Variants in LARGE1 observed in about 807,000 individuals in gnomAD.
LARGE1 encodes xylosyl- and glucuronyltransferase LARGE1.
Under a neutral mutation model 87.6 loss-of-function variants are expected in LARGE1, and 43 were observed. The observed-to-expected ratio is 0.49, with a 90% CI of 0.38 to 0.63. LARGE1 has a LOEUF of 0.63. Ranked by LOEUF, LARGE1 falls within the 30% of genes least tolerant of loss-of-function variation. The pLI is 0.00. For missense variants in LARGE1, 802 were observed against 1,000.2 expected (o/e 0.80, Z 2.67); for synonymous variants, 434 against 394.6 (o/e 1.10, Z -1.18).
At chr22:33,725,907 T>C (rs2083257640) in intron 2 of LARGE1, among the ~76,000 whole-genome samples, 1 of 151,952 alleles carries the variant, frequency 6.6e-6, no homozygotes, top group Admixed American at 6.6e-5. Context: ...CGCGGAGACA[T>C]TTGGCAATGT....
At chr22:33,423,641 C>T (rs1369156951) in intron 7 of LARGE1, among the ~76,000 whole-genome samples, 2 of 149,564 alleles carry the variant, frequency 1.3e-5, no homozygotes, top group African/African-American at 2.5e-5. Context: ...GATTGCACCA[C>T]TGCCCTCCAG....
intron 11 of LARGE1, among the ~76,000 whole-genome samples, chr22:33,193,860 TTTTTATATATTATATATAATG>T (rs1185461326): frequency 1.3e-5 from 2 of 148,280 alleles, no homozygotes; most frequent in Non-Finnish European, 3.0e-5. Flanking sequence ...ATATATATTG[TTTTTATATATTATATATAATG>T]TTTTATATAT....
intron 1 of LARGE1, among the ~76,000 whole-genome samples, chr22:33,815,052 T>C (rs997611077): frequency 6.6e-6 from 1 of 152,120 alleles, no homozygotes; most frequent in African/African-American, 2.4e-5. Context: ...TAATTCCTAA[T>C]AAGAATAGCC....
chr22:33,770,055 A>G (rs2085017943), intron 1 of LARGE1, among the ~76,000 whole-genome samples: 1 of 152,266 alleles, frequency 6.6e-6, no homozygotes, highest in Non-Finnish European at 1.5e-5. Context: ...AGAAGCAATC[A>G]TAGAACATAA....
At chr22:33,093,180 T>C in the LARGE1 span, among the ~76,000 whole-genome samples, 1 of 152,186 alleles carries the variant, frequency 6.6e-6, no homozygotes, top group East Asian at 1.9e-4. Context: ...TTTCAGAACA[T>C]CATGGGCACA....
chr22:33,194,284 G>GT (rs768611416), intron 11 of LARGE1, among the ~76,000 whole-genome samples: 8 of 152,116 alleles, frequency 5.3e-5, no homozygotes, highest in Non-Finnish European at 1.2e-4. Context: ...TTTGAAAAGA[G>GT]TTCTAAACAA....
chr22:33,233,986 T>C (rs962963226), intron 11 of LARGE1, among the ~76,000 whole-genome samples: 1 of 152,220 alleles, frequency 6.6e-6, no homozygotes, highest in African/African-American at 2.4e-5. Context: ...CTGCCTCCCA[T>C]GGACCAAAAT....
chr22:33,211,663 C>T (rs1382119763), intron 11 of LARGE1, among the ~76,000 whole-genome samples: 2 of 152,146 alleles, frequency 1.3e-5, no homozygotes, highest in Non-Finnish European at 2.9e-5. Context: ...GTCCCAGCTA[C>T]TCGGGAGGCT....
intron 5 of LARGE1, among the ~76,000 whole-genome samples, chr22:33,602,960 C>T (rs1256344236): frequency 6.6e-6 from 1 of 152,198 alleles, no homozygotes; most frequent in Non-Finnish European, 1.5e-5. Context: ...GTTGCTTTTC[C>T]CCCATGGTGT....
At chr22:33,625,046 C>T (rs2079878708) in intron 4 of LARGE1, among the ~76,000 whole-genome samples, 1 of 152,182 alleles carries the variant, frequency 6.6e-6, no homozygotes, top group Non-Finnish European at 1.5e-5. Flanking sequence ...TTTGTTTATG[C>T]CATTGACAGA....
rs146896997 is a variant in LARGE1, at chr22:33,500,834, C to T, written c.787+64014G>A. Among the ~76,000 whole-genome samples the T allele has an allele frequency of 1.4e-3, 218 of 152,300 alleles. 3 individuals are homozygous for T. The highest frequency in any genetic ancestry group is 5.0e-3 in the African/African-American group (206 of 41,556). On this transcript the variant is annotated intron_variant, in intron 6 of 14. Coordinates refer to ENST00000397394, the MANE Select transcript of LARGE1 (RefSeq NM_133642.5). Reference sequence around the variant, plus strand: ...ACTTCAACAGTGGCTTTCACAGAAGCCCATCCAAACAAGTGGCTTAATGGA... The same window carrying T: ...ACTTCAACAGTGGCTTTCACAGAAGTCCATCCAAACAAGTGGCTTAATGGA...
chr22:33,830,441 T>A (rs1033915946), intron 1 of LARGE1, among the ~76,000 whole-genome samples: 2 of 152,112 alleles, frequency 1.3e-5, no homozygotes, highest in Non-Finnish European at 2.9e-5. Context: ...CAGGAGGAAA[T>A]GGTTCAAAGC....
At chr22:33,152,166 A>G in the LARGE1 span, among the ~76,000 whole-genome samples, 1 of 152,184 alleles carries the variant, frequency 6.6e-6, no homozygotes, top group Non-Finnish European at 1.5e-5. Flanking sequence ...AGGCCTCATA[A>G]TTTCCCTTTC....
At chr22:33,099,448 T>C in the LARGE1 span, among the ~76,000 whole-genome samples, 1 of 152,000 alleles carries the variant, frequency 6.6e-6, no homozygotes, top group Non-Finnish European at 1.5e-5. Context: ...AGACAGGGTT[T>C]CTCCATGTGG....
intron 10 of LARGE1, among the ~76,000 whole-genome samples, chr22:33,333,140 G>A (rs1348912445): frequency 6.6e-6 from 1 of 151,926 alleles, no homozygotes; most frequent in Middle Eastern, 3.2e-3. Flanking sequence ...CTGAGTAGCT[G>A]GGACTACAGG....
At chr22:33,905,991 G>T (rs191390168) in intron 1 of LARGE1, among the ~76,000 whole-genome samples, 3 of 152,038 alleles carry the variant, frequency 2.0e-5, no homozygotes, top group African/African-American at 7.2e-5. Context: ...TTAGCCAGAC[G>T]TGGTGGCAGG....
chr22:33,814,715 T>C (rs2086598239), intron 1 of LARGE1, among the ~76,000 whole-genome samples: 1 of 102,764 alleles, frequency 9.7e-6, no homozygotes, highest in African/African-American at 4.2e-5. Context: ...TTCCTTAAAA[T>C]CAAGGTATAT....
At chr22:33,889,881 G>T (rs1026919738) in intron 1 of LARGE1, among the ~76,000 whole-genome samples, 15 of 152,240 alleles carry the variant, frequency 9.9e-5, no homozygotes, top group African/African-American at 3.6e-4. Flanking sequence ...CCAGGAAAAC[G>T]GAAATGGCCC....
At chr22:33,383,957 T>G (rs1428417321) in intron 8 of LARGE1, among the ~76,000 whole-genome samples, 1 of 152,204 alleles carries the variant, frequency 6.6e-6, no homozygotes, top group Non-Finnish European at 1.5e-5. Context: ...ACTTGGCTCC[T>G]GGTATACACA....
Sources: gnomAD v4.1 joint callset for allele counts (sites outside exome capture counted in the v4.1 genomes callset) on GRCh38, gnomAD v4.1.1 for gene constraint, MANE v1.5 for transcripts, NCBI Gene and HGNC (gene_info 2026-07-23, HGNC 2026-07-21) for gene names.